The following NXN variants were observed in gnomAD, a reference collection of about 807,000 sequenced individuals.
NXN encodes the protein nucleoredoxin 1.
Under a neutral mutation model 48.6 loss-of-function variants are expected in NXN, and 16 were observed. That is an observed-to-expected ratio of 0.33 (90% CI 0.22 to 0.50). The LOEUF is 0.50. NXN is among the 20% of genes least tolerant of loss of function. The pLI is 0.98. For synonymous variants in NXN, 281 were observed against 269.6 expected (o/e 1.04, Z -0.41); for missense variants, 492 against 605.5 (o/e 0.81, Z 1.97).
intron 1 of NXN, among the ~76,000 whole-genome samples, chr17:903,351 G>A (rs926052227): frequency 4.0e-5 from 6 of 149,952 alleles, no homozygotes; most frequent in South Asian, 2.1e-4. Flanking sequence ...GATTACAGGC[G>A]CCCGCCACCA....
chr17:890,595 A>T (rs1405611588), intron 1 of NXN, among the ~76,000 whole-genome samples: 1 of 102,714 alleles, frequency 9.7e-6, no homozygotes, highest in Non-Finnish European at 1.7e-5. Context: ...GTTAGCCAGG[A>T]TGGTCTCGAT....
Position 979,495 on chromosome 17 carries a change from C to T in NXN, c.184G>A (p.Gly62Arg), listed in dbSNP as rs906010846. ...GGCCCCGGCCCGGCCGCCGCGTCCCCCCGCAGGCGCCCGTAGAAGGCGGCC... is the reference window on the plus strand; with the variant it reads ...GGCCCCGGCCCGGCCGCCGCGTCCCTCCGCAGGCGCCCGTAGAAGGCGGCC... ...SLAAFYGRLR[G>R]DAAAGPGPGA... Residue 62 changes from glycine (G) to arginine (R), a missense_variant, in exon 1 of 8, where the codon GGG (glycine) becomes AGG (arginine). By Grantham distance (125) the Gly-to-Arg change is moderately radical. This residue lies in a region of NXN where 186 missense variants were observed against 199.1 expected (regional missense o/e 0.93). Coordinates refer to ENST00000336868, the MANE Select transcript of NXN (RefSeq NM_022463.5). 1.6e-6 allele frequency: 2 copies of T among 1,212,706 alleles called. No homozygotes were observed. The highest frequency in any genetic ancestry group is 2.1e-6 in the Non-Finnish European group (2 of 972,828). The allele number at this position is 1,212,706 out of a possible 1,614,324, so 75.1% of individuals were successfully genotyped here.
chr17:922,504 A>G (rs2068758960), intron 1 of NXN, among the ~76,000 whole-genome samples: 1 of 152,188 alleles, frequency 6.6e-6, no homozygotes. Context: ...GGGGCCACGA[A>G]TAAAATCTAA....
chr17:805,906 T>C (rs1334203154), intron 5 of NXN, among the ~76,000 whole-genome samples: 2 of 152,138 alleles, frequency 1.3e-5, no homozygotes, highest in Non-Finnish European at 2.9e-5. Flanking sequence ...CACTCACTGC[T>C]GGTCTCCCAA....
chr17:827,989 T>C (rs1913224291), intron 1 of NXN, among the ~76,000 whole-genome samples: 1 of 152,192 alleles, frequency 6.6e-6, no homozygotes, highest in African/African-American at 2.4e-5. Context: ...CCCACTTCAA[T>C]CTGGGTGGGC....
chr17:933,803 C>T (rs1680560913), intron 1 of NXN, among the ~76,000 whole-genome samples: 1 of 152,108 alleles, frequency 6.6e-6, no homozygotes, highest in African/African-American at 2.4e-5. Flanking sequence ...AATGTGCCTT[C>T]GTGTAAGCTG....
At chr17:823,817 T>C (rs1184859455) in intron 2 of NXN, 52 bp from the exon 3 acceptor site, 3 of 1,606,548 alleles carry the variant, frequency 1.9e-6, no homozygotes, top group Non-Finnish European at 1.7e-6. Context: ...CTTGATGACC[T>C]GGGACCCAGG....
At chr17:937,352 C>T (rs1407039222) in intron 1 of NXN, among the ~76,000 whole-genome samples, 1 of 151,960 alleles carries the variant, frequency 6.6e-6, no homozygotes, top group Non-Finnish European at 1.5e-5. Flanking sequence ...CCAGAGGAAA[C>T]GGAAGGAATC....
At chr17:856,830 T>C (rs2067991430) in intron 1 of NXN, among the ~76,000 whole-genome samples, 1 of 152,132 alleles carries the variant, frequency 6.6e-6, no homozygotes, top group South Asian at 2.1e-4. Flanking sequence ...GCCTAGGTTT[T>C]CTCCAAGACA....
intron 1 of NXN, among the ~76,000 whole-genome samples, chr17:870,568 C>A (rs2068140735): frequency 6.6e-6 from 1 of 152,016 alleles, no homozygotes; most frequent in African/African-American, 2.4e-5. Flanking sequence ...TATACTGACA[C>A]CCTGTCTCTA....
At chr17:927,510 C>T (rs2068812454) in intron 1 of NXN, among the ~76,000 whole-genome samples, 1 of 133,836 alleles carries the variant, frequency 7.5e-6, no homozygotes, top group Admixed American at 8.5e-5. Flanking sequence ...GAGGTTGAGG[C>T]AGGAGGTTGC....
chr17:812,669 T>TGA (rs1567812508), intron 5 of NXN, among the ~76,000 whole-genome samples: 6 of 150,600 alleles, frequency 4.0e-5, no homozygotes, highest in Non-Finnish European at 5.9e-5. Flanking sequence ...TGTAGGTGTG[T>TGA]GTGAGTGTAG....
intron 1 of NXN, among the ~76,000 whole-genome samples, chr17:952,789 G>A (rs2069126798): frequency 9.2e-6 from 1 of 108,506 alleles, no homozygotes; most frequent in Admixed American, 8.8e-5. Flanking sequence ...GTTGGAACCC[G>A]GCAGGTACCA....
At chr17:875,647 G>A (rs747475914) in intron 1 of NXN, among the ~76,000 whole-genome samples, 4 of 151,626 alleles carry the variant, frequency 2.6e-5, no homozygotes, top group South Asian at 2.1e-4. Flanking sequence ...GCTGGAGTAC[G>A]GTGGTGCAAT....
chr17:920,551 C>G lies in NXN; in HGVS notation c.360+58768G>C, dbSNP rs2068738409. 6.6e-6 allele frequency among the ~76,000 whole-genome samples: 1 copy of G among 152,046 alleles called. No homozygotes were observed. The highest frequency in any genetic ancestry group is 2.4e-5 in the African/African-American group (1 of 41,390). ...TGCAGCGTTCTCCCAGGCTCTCAAC[C>G]CTCGACGCTCATCCAGGTTCATTCG... On this transcript the variant is annotated intron_variant, in intron 1 of 7. Coordinates refer to ENST00000336868, the MANE Select transcript of NXN (RefSeq NM_022463.5). This position sits in a 1 kb window ranked among gnomAD's most constrained non-coding sequence, Gnocchi z 4.6.
intron 1 of NXN, among the ~76,000 whole-genome samples, chr17:950,843 AAAG>A (rs2069100973): frequency 6.6e-6 from 1 of 151,992 alleles, no homozygotes; most frequent in Non-Finnish European, 1.5e-5. Context: ...TGTTTGGCAC[AAAG>A]AAGACCAACA....
chr17:971,577 G>A (rs969319433), intron 1 of NXN, among the ~76,000 whole-genome samples: 1 of 151,874 alleles, frequency 6.6e-6, no homozygotes, highest in East Asian at 2.0e-4. Flanking sequence ...GGGCGTGAGG[G>A]CGGGCACCTG....
At chr17:911,542 G>A (rs768637745) in intron 1 of NXN, among the ~76,000 whole-genome samples, 22 of 151,808 alleles carry the variant, frequency 1.4e-4, no homozygotes, top group Non-Finnish European at 2.8e-4. Context: ...TGTTAGCCAG[G>A]ATGGTCTCGA....
intron 1 of NXN, among the ~76,000 whole-genome samples, chr17:843,146 G>T (rs1197569501): frequency 2.6e-5 from 4 of 152,152 alleles, no homozygotes; most frequent in Non-Finnish European, 4.4e-5. Flanking sequence ...GGCCACGAAT[G>T]AAGAGACAAA....
Sources: allele counts gnomAD v4.1 joint callset (sites outside exome capture counted in the v4.1 genomes callset), GRCh38; gene constraint gnomAD v4.1.1; regional missense constraint gnomAD v4.1.1; non-coding constraint Gnocchi (gnomAD v3.1); transcripts MANE v1.5; gene names NCBI Gene and HGNC (gene_info 2026-07-23, HGNC 2026-07-21).